AJAP1: variants seen among roughly 807,000 people sequenced by gnomAD.
AJAP1 encodes adherens junction-associated protein 1.
In AJAP1, 5 loss-of-function variants were observed where a neutral mutation model predicts 35.0. That is an observed-to-expected ratio of 0.14 (90% CI 0.07 to 0.30). AJAP1 has a LOEUF of 0.30. Among genes scored for constraint, AJAP1 ranks in the 10% least tolerant of loss-of-function variants. The pLI, the probability that AJAP1 is intolerant of heterozygous loss-of-function variation, is 1.00. For synonymous variants in AJAP1, 284 were observed against 249.3 expected, an observed-to-expected ratio of 1.14 and a Z score of -1.31; for missense variants, 586 against 571.0, an observed-to-expected ratio of 1.03 and a Z score of -0.27.
chr1:4,706,290 A>C (rs1438228366), intron 1 of AJAP1, among the ~76,000 whole-genome samples: 1 of 152,132 alleles, frequency 6.6e-6, no homozygotes, highest in Non-Finnish European at 1.5e-5. Flanking sequence ...GTGCCCTGTG[A>C]ACTATTGATC....
At chr1:4,663,583 G>T (rs1317224380) in intron 1 of AJAP1, among the ~76,000 whole-genome samples, 1 of 152,214 alleles carries the variant, frequency 6.6e-6, no homozygotes, top group African/African-American at 2.4e-5. Flanking sequence ...GGTGGGAGGA[G>T]GGTGGCGCCT....
In AJAP1 at chr1:4,791,864, T is replaced by C. The variant is rs76732779; in HGVS notation, c.*9379T>C. 3,401 of 145,338 alleles carry C rather than the reference T, an allele frequency of 0.023. 81 individuals carry two copies. The highest frequency in any genetic ancestry group is 0.028 in the Non-Finnish European group (1,871 of 66,564). The allele number at this position is 145,338 out of a possible 1,614,324, so 9.0% of individuals were successfully genotyped here. A position where few individuals can be genotyped will look rare whatever the true frequency, so the allele number is the denominator to read the frequency against. On this transcript the variant is annotated 3_prime_UTR_variant, in exon 6 of 6. Coordinates refer to ENST00000378191, the MANE Select transcript of AJAP1 (RefSeq NM_018836.4). ...AATTCACCAGGTCTCATTGCATTTA[T>C]TTAAAGATGGAGCCCATTGTCCCCC...
At chr1:4,745,835 T>C (rs1641175240) in intron 2 of AJAP1, among the ~76,000 whole-genome samples, 1 of 152,102 alleles carries the variant, frequency 6.6e-6, no homozygotes, top group Non-Finnish European at 1.5e-5. Flanking sequence ...GTCGACTGCT[T>C]TCAGTCTTTG....
Position 4,694,910 on chromosome 1 carries a change from G to A in AJAP1, c.30-16990G>A, listed in dbSNP as rs750762063. ...GTATTGCTTTGGCAGCTGAGTGGAC[G>A]GACACTGGATTATGGGGAGCCAGGA... On this transcript the variant is annotated intron_variant, in intron 1 of 5. Transcript: ENST00000378191. 6.6e-5 allele frequency among the ~76,000 whole-genome samples: 10 copies of A among 152,296 alleles called. No homozygotes were observed. The East Asian group carries it at 1.6e-3, about 24-fold the overall frequency.
At chr1:4,749,265 A>G (rs1641267877) in intron 2 of AJAP1, among the ~76,000 whole-genome samples, 1 of 152,200 alleles carries the variant, frequency 6.6e-6, no homozygotes, top group African/African-American at 2.4e-5. Context: ...TTCCACAGAC[A>G]TGGAGTCAGG....
At chr1:4,700,020 A>G (rs896122003) in intron 1 of AJAP1, among the ~76,000 whole-genome samples, 1 of 152,136 alleles carries the variant, frequency 6.6e-6, no homozygotes, top group Admixed American at 6.5e-5. Flanking sequence ...CATCTGTGTG[A>G]TGGTGCTTGT....
intron 2 of AJAP1, among the ~76,000 whole-genome samples, chr1:4,716,453 G>C (rs115474483): frequency 0.018 from 2,687 of 152,282 alleles, 62 homozygotes; most frequent in South Asian, 0.12. Context: ...GCACATAACA[G>C]TTTTCAGTAT....
chr1:4,770,132 A>G (rs2100359193), intron 3 of AJAP1, among the ~76,000 whole-genome samples, 192 bp downstream of exon 3: 1 of 152,320 alleles, frequency 6.6e-6, no homozygotes, highest in South Asian at 2.1e-4. Context: ...GTTTCCCTGC[A>G]GAAGGCCAGC....
At chr1:4,764,139 T>C (rs564219446) in intron 2 of AJAP1, among the ~76,000 whole-genome samples, 21 of 152,282 alleles carry the variant, frequency 1.4e-4, no homozygotes, top group African/African-American at 4.3e-4. Context: ...CATAATCACA[T>C]GAGCCAATCC....
Position 4,692,027 on chromosome 1 carries a change from G to A in AJAP1, c.30-19873G>A, listed in dbSNP as rs949667953. Among the ~76,000 whole-genome samples the A allele has an allele frequency of 2.2e-4, 33 of 152,192 alleles. No individual in the cohort carries two copies. Among genetic ancestry groups the A allele is most frequent in the African/African-American group, 7.7e-4 (32 of 41,460 alleles). On this transcript the variant is annotated intron_variant, in intron 1 of 5. Transcript: ENST00000378191. This position sits in a 1 kb window ranked among gnomAD's most constrained non-coding sequence, Gnocchi z 4.4. The stretch of plus-strand genomic sequence containing the variant: ...GAGCCAAGAACAGCCTTTGCCCCAG[G>A]CCGGGTGTCCCTGAGACTGGCCGAG...
chr1:4,701,086 G>C (rs139765442), intron 1 of AJAP1, among the ~76,000 whole-genome samples: 1 of 152,238 alleles, frequency 6.6e-6, no homozygotes. Context: ...CGCCAGCGCC[G>C]TTGCTATCCT....
At position 4,677,017 on chromosome 1, in the gene AJAP1, T is replaced by C. The variant is rs1018016343; in HGVS notation, c.29+21563T>C. 2.0e-5 allele frequency among the ~76,000 whole-genome samples: 3 copies of C among 151,964 alleles called. No individual in the cohort carries two copies. The South Asian group carries it at 6.2e-4, about 32-fold the overall frequency. ...ACTAAAAATACAAAAGTTAGCTGGGTGTGGTGGCGTGTGCCTGTAATCTCA... is the reference window on the plus strand; with the variant it reads ...ACTAAAAATACAAAAGTTAGCTGGGCGTGGTGGCGTGTGCCTGTAATCTCA... On this transcript the variant is annotated intron_variant, in intron 1 of 5. Coordinates refer to ENST00000378191, the MANE Select transcript of AJAP1 (RefSeq NM_018836.4).
rs934921150 is a variant in AJAP1, at chr1:4,786,140, C to T, written c.*3655C>T. 1 of 152,134 alleles carries T rather than the reference C, an allele frequency of 6.6e-6. No individual in the cohort carries two copies. Among genetic ancestry groups the T allele is most frequent in the Non-Finnish European group, 1.5e-5 (1 of 68,042 alleles). 9.4% of individuals were successfully genotyped at this position (152,134 alleles called of 1,614,324 possible). On this transcript the variant is annotated 3_prime_UTR_variant, in exon 6 of 6. Coordinates refer to ENST00000378191, the MANE Select transcript of AJAP1 (RefSeq NM_018836.4). ...ATTCCAGCCATTACCGAGACAAATC[C>T]AAGCCTTCTCACGCAACGTGGAAGC...
intron 5 of AJAP1, among the ~76,000 whole-genome samples, chr1:4,778,974 C>G (rs143801073): frequency 1.3e-5 from 2 of 152,182 alleles, no homozygotes; most frequent in Non-Finnish European, 2.9e-5. Context: ...GGGCAGGAGA[C>G]CCCCGTTCTC....
intron 2 of AJAP1, among the ~76,000 whole-genome samples, chr1:4,737,945 TG>T (rs1377062122): frequency 6.6e-6 from 1 of 152,202 alleles, no homozygotes; most frequent in Non-Finnish European, 1.5e-5. Flanking sequence ...AGCTGCCTTT[TG>T]CACCCATGGT....
chr1:4,690,511 G>A (rs979299202), intron 1 of AJAP1, among the ~76,000 whole-genome samples: 6 of 152,296 alleles, frequency 3.9e-5, no homozygotes, highest in Admixed American at 1.3e-4. Context: ...AGGGGACGTC[G>A]CGGCTGCTTT....
At chr1:4,672,655 G>A (rs1179858330) in intron 1 of AJAP1, among the ~76,000 whole-genome samples, 1 of 152,148 alleles carries the variant, frequency 6.6e-6, no homozygotes, top group Non-Finnish European at 1.5e-5. Flanking sequence ...GTGCTCCACC[G>A]CCCTCCCAGT....
intron 1 of AJAP1, among the ~76,000 whole-genome samples, chr1:4,696,579 G>A (rs868184812): frequency 9.9e-5 from 15 of 152,260 alleles, no homozygotes; most frequent in Non-Finnish European, 1.8e-4. Flanking sequence ...CCAGGGAGAC[G>A]GCTTATGCCC....
chr1:4,779,567 A>C (rs113067004), intron 5 of AJAP1, among the ~76,000 whole-genome samples: 2,575 of 152,198 alleles, frequency 0.017, 74 homozygotes, highest in African/African-American at 0.057. Context: ...GTCAGGATTA[A>C]GGATTGGAAA....
Sources: gnomAD v4.1 joint callset for allele counts (sites outside exome capture counted in the v4.1 genomes callset) on GRCh38, gnomAD v4.1.1 for gene constraint, Gnocchi (gnomAD v3.1) non-coding constraint, MANE v1.5 for transcripts, NCBI Gene and HGNC (gene_info 2026-07-23, HGNC 2026-07-21) for gene names.